ARHGAP15: variants seen among roughly 807,000 people sequenced by gnomAD.
ARHGAP15 encodes the protein rho GTPase-activating protein 15.
Under a neutral mutation model 63.7 loss-of-function variants are expected in ARHGAP15, and 51 were observed. That is an observed-to-expected ratio of 0.80 (90% CI 0.64 to 1.01). ARHGAP15 has a LOEUF of 1.01. Ranked by LOEUF, ARHGAP15 falls within the 50% of genes least tolerant of loss-of-function variation. The pLI, the probability that ARHGAP15 is intolerant of heterozygous loss-of-function variation, is 0.00. For missense variants in ARHGAP15, 560 were observed against 564.6 expected (o/e 0.99, Z 0.08); for synonymous variants, 191 against 193.8 (o/e 0.99, Z 0.12).
chr2:143,765,685 GA>G (rs1281101341), intron 13 of ARHGAP15, among the ~76,000 whole-genome samples: 1 of 152,104 alleles, frequency 6.6e-6, no homozygotes, highest in Non-Finnish European at 1.5e-5. Flanking sequence ...TCTTACGATG[GA>G]TCGTATAGTC....
intron 11 of ARHGAP15, among the ~76,000 whole-genome samples, chr2:143,595,510 T>C (rs181870186): frequency 3.9e-5 from 6 of 152,296 alleles, no homozygotes; most frequent in Admixed American, 3.3e-4. Flanking sequence ...TTATGTATTG[T>C]AATTGTTGGT....
At chr2:143,592,275 G>C (rs1334114798) in intron 11 of ARHGAP15, among the ~76,000 whole-genome samples, 1 of 152,018 alleles carries the variant, frequency 6.6e-6, no homozygotes, top group African/African-American at 2.4e-5. Context: ...CATCATTTTG[G>C]AAAATCTCCA....
At chr2:143,684,596 A>G (rs1197815382) in intron 12 of ARHGAP15, among the ~76,000 whole-genome samples, 2 of 152,198 alleles carry the variant, frequency 1.3e-5, no homozygotes, top group Non-Finnish European at 2.9e-5. Context: ...CCTTCAGTTA[A>G]TCTTTCTCTC....
At chr2:143,703,775 C>T in intron 13 of ARHGAP15, 1 of 325,384 alleles carries the variant, frequency 3.1e-6, no homozygotes, top group Non-Finnish European at 5.5e-6. Context: ...GATTGCTTGT[C>T]AGAACCATCG....
At chr2:143,291,745 C>G (rs184593769) in intron 6 of ARHGAP15, among the ~76,000 whole-genome samples, 102 of 152,174 alleles carry the variant, frequency 6.7e-4, no homozygotes, top group Middle Eastern at 6.8e-3. Flanking sequence ...GATTTGAATT[C>G]AAACTGATGA....
chr2:143,586,431 A>T (rs1048911562), intron 11 of ARHGAP15, among the ~76,000 whole-genome samples: 13 of 152,016 alleles, frequency 8.6e-5, no homozygotes, highest in African/African-American at 3.1e-4. Flanking sequence ...CACTTTTATC[A>T]ATATACTAAA....
At chr2:143,679,913 T>C (rs1488543671) in intron 12 of ARHGAP15, among the ~76,000 whole-genome samples, 1 of 151,424 alleles carries the variant, frequency 6.6e-6, no homozygotes, top group Non-Finnish European at 1.5e-5. Flanking sequence ...TCATAGCAAA[T>C]TATGTTCACA....
At position 143,145,698 on chromosome 2, in the gene ARHGAP15, T is replaced by C. The variant is rs560094120; in HGVS notation, c.-14-9779T>C. 5.9e-5 allele frequency among the ~76,000 whole-genome samples: 9 copies of C among 152,142 alleles called. No homozygotes were observed. In the East Asian group the frequency reaches 1.7e-3, roughly 30 times the overall value. ...ACAGATCTATGTAATTGCTTGACAC[T>C]GTCAGCATCTTTCAAACTGAACCTT... On this transcript the variant is annotated intron_variant, in intron 1 of 13. Coordinates refer to ENST00000295095, the MANE Select transcript of ARHGAP15 (RefSeq NM_018460.4).
intron 4 of ARHGAP15, among the ~76,000 whole-genome samples, chr2:143,220,126 T>C (rs558698410): frequency 6.6e-6 from 1 of 152,314 alleles, no homozygotes; most frequent in South Asian, 2.1e-4. Context: ...TTTTACTTGA[T>C]TTTTAAGTTG....
At chr2:143,468,372 A>G (rs978088496) in intron 8 of ARHGAP15, among the ~76,000 whole-genome samples, 13 of 152,178 alleles carry the variant, frequency 8.5e-5, no homozygotes, top group Non-Finnish European at 1.8e-4. Context: ...TGGAAAAAAA[A>G]GCTGAAACTG....
chr2:143,333,071 A>G (rs1684619488), intron 6 of ARHGAP15, among the ~76,000 whole-genome samples: 1 of 152,090 alleles, frequency 6.6e-6, no homozygotes, highest in African/African-American at 2.4e-5. Context: ...CAACCTGACC[A>G]GACATATTCT....
chr2:143,737,927 T>A (rs923206582), intron 13 of ARHGAP15, among the ~76,000 whole-genome samples: 1 of 151,980 alleles, frequency 6.6e-6, no homozygotes, highest in African/African-American at 2.4e-5. Flanking sequence ...CGGCTAAATT[T>A]TTGTATTTTT....
intron 12 of ARHGAP15, among the ~76,000 whole-genome samples, chr2:143,647,522 A>G (rs746220870): frequency 5.3e-5 from 8 of 152,010 alleles, no homozygotes; most frequent in Non-Finnish European, 8.8e-5. Context: ...TTCAATTTCA[A>G]CAAATTATTA....
chr2:143,153,843 T>TTCCTCTTCCTCCTCCTCCTCCTCC (rs1558779624), intron 1 of ARHGAP15, among the ~76,000 whole-genome samples: 29 of 86,890 alleles, frequency 3.3e-4, no homozygotes, highest in South Asian at 9.7e-4. Flanking sequence ...CTTCTTCTTC[T>TTCCTCTTCCTCCTCCTCCTCCTCC]TCCTCCTCCT....
chr2:143,543,501 T>G (rs1481790296), intron 10 of ARHGAP15, among the ~76,000 whole-genome samples: 2 of 152,160 alleles, frequency 1.3e-5, no homozygotes. Context: ...ATTCTATAGG[T>G]TGCCACTCCA....
chr2:143,717,107 T>C (rs1051622182), intron 13 of ARHGAP15, among the ~76,000 whole-genome samples: 34 of 152,210 alleles, frequency 2.2e-4, no homozygotes, highest in Non-Finnish European at 2.2e-4. Context: ...TTAGAGCACG[T>C]TTTTTTAGAA....
intron 4 of ARHGAP15, among the ~76,000 whole-genome samples, chr2:143,222,885 C>T (rs1403395475): frequency 1.3e-5 from 2 of 152,062 alleles, no homozygotes; most frequent in African/African-American, 4.8e-5. Context: ...TTTAGTTCTC[C>T]CTACTTCCCA....
chr2:143,450,725 AG>A (rs1219639125), intron 8 of ARHGAP15, among the ~76,000 whole-genome samples: 3 of 152,032 alleles, frequency 2.0e-5, no homozygotes, highest in Admixed American at 1.3e-4. Context: ...GAAAAAAAGA[AG>A]AAGAAAATTA....
intron 6 of ARHGAP15, among the ~76,000 whole-genome samples, chr2:143,364,397 G>A (rs931479801): frequency 1.3e-5 from 2 of 152,138 alleles, no homozygotes; most frequent in African/African-American, 2.4e-5. Context: ...TTAGGAGTGG[G>A]AGTGAGAAGT....
Sources: gnomAD v4.1 joint callset for allele counts (sites outside exome capture counted in the v4.1 genomes callset) on GRCh38, gnomAD v4.1.1 for gene constraint, MANE v1.5 for transcripts, NCBI Gene and HGNC (gene_info 2026-07-23, HGNC 2026-07-21) for gene names.